The following CR1 variants were observed in gnomAD, a reference collection of about 807,000 sequenced individuals.
The protein encoded by CR1 is complement receptor type 1.
CR1 carries 116 observed loss-of-function variants against 187.3 expected under a neutral mutation model. That is an observed-to-expected ratio of 0.62 (90% CI 0.53 to 0.72). CR1 has a LOEUF of 0.72. Among genes scored for constraint, CR1 ranks in the 30% least tolerant of loss-of-function variants. The probability of loss-of-function intolerance (pLI) is 0.00; values close to 1 mark genes in which losing one functional copy is unlikely to be tolerated. For missense variants in CR1, 1,731 were observed against 2,110.7 expected (o/e 0.82, Z 3.52); for synonymous variants, 576 against 747.1 (o/e 0.77, Z 3.73).
intron 3 of CR1, among the ~76,000 whole-genome samples, chr1:207,508,970 G>A (rs1659534527): frequency 6.6e-6 from 1 of 152,060 alleles, no homozygotes; most frequent in African/African-American, 2.4e-5. Flanking sequence ...ATTTGGAGTT[G>A]GTCTCTTCCA....
chr1:207,627,571 T>G (rs1001574560), intron 45 of CR1, among the ~76,000 whole-genome samples: 1 of 152,234 alleles, frequency 6.6e-6, no homozygotes, highest in Non-Finnish European at 1.5e-5. Flanking sequence ...TGTTGGTATA[T>G]ATACTTGGGC....
Position 207,518,541 on chromosome 1 carries a change from T to C in CR1, c.488-5070T>C, listed in dbSNP as rs148978218. Among the ~76,000 whole-genome samples the C allele has an allele frequency of 1.4e-4, 22 of 152,320 alleles. No homozygotes were observed. In the East Asian group the frequency reaches 2.3e-3, roughly 16 times the overall value. On this transcript the variant is annotated intron_variant, in intron 4 of 46. Transcript: ENST00000367049. ...TTCAAAGAAGAGAAATTTACTCTCT[T>C]AACAGTTTGGAGGCCAGAAATCCAG... is the stretch of plus-strand genomic sequence containing the variant.
intron 34 of CR1, 61 bp from the exon 35 acceptor site, chr1:207,588,614 T>C (rs1661180486): frequency 3.5e-6 from 4 of 1,140,928 alleles, no homozygotes; most frequent in Non-Finnish European, 5.2e-6. Flanking sequence ...CACTCCAGTC[T>C]GAACCTTACA....
At position 207,593,092 on chromosome 1, in the gene CR1, A is replaced by AAAAAC. The variant is rs962202213; in HGVS notation, c.5810+4322_5810+4323insCAAAA. ...CTTTCTTCACAGAATTACAAAAAAAAAAAAAAAAAAACTACTTTAAACTTC... is the reference window on the plus strand; with the variant it reads ...CTTTCTTCACAGAATTACAAAAAAAAAAAACAAAAAAAAAAACTACTTTAAACTTC... On this transcript the variant is annotated intron_variant, in intron 35 of 46. Coordinates refer to ENST00000367049, the MANE Select transcript of CR1 (RefSeq NM_000651.6). Among the ~76,000 whole-genome samples the AAAAAC allele has an allele frequency of 1.3e-4, 20 of 151,320 alleles. 1 individual carries two copies. Among genetic ancestry groups the AAAAAC allele is most frequent in the African/African-American group, 4.9e-4 (20 of 41,150 alleles).
At chr1:207,504,150 G>T (rs1253001006) in intron 1 of CR1, among the ~76,000 whole-genome samples, 1 of 152,166 alleles carries the variant, frequency 6.6e-6, no homozygotes, top group African/African-American at 2.4e-5. Context: ...TGTCAGGTTT[G>T]GTACTATCTG....
intron 35 of CR1, among the ~76,000 whole-genome samples, chr1:207,595,388 T>C (rs17047502): frequency 0.066 from 9,977 of 152,132 alleles, 1,081 homozygotes; most frequent in African/African-American, 0.22. Context: ...CCTTGAAGGC[T>C]TACTAGACAA....
intron 46 of CR1, among the ~76,000 whole-genome samples, chr1:207,635,383 C>A (rs780685355): frequency 6.6e-6 from 1 of 151,980 alleles, no homozygotes; most frequent in Non-Finnish European, 1.5e-5. Context: ...ACAAAGGTCT[C>A]GGCATCATAA....
intron 1 of CR1, 124 bp downstream of exon 1, chr1:207,496,512 G>C: frequency 1.0e-6 from 1 of 990,132 alleles, no homozygotes; most frequent in South Asian, 1.9e-5. Flanking sequence ...CAGCGCGATG[G>C]GTGGGCTGAG....
intron 5 of CR1, among the ~76,000 whole-genome samples, chr1:207,525,819 C>T (rs1660150363): frequency 1.3e-5 from 2 of 151,910 alleles, no homozygotes; most frequent in South Asian, 4.1e-4. Context: ...GGGTGATGAG[C>T]CCTGAAAATG....
At chr1:207,612,165 G>A in intron 39 of CR1, 124 bp downstream of exon 39, 5 of 1,045,750 alleles carry the variant, frequency 4.8e-6, no homozygotes, top group Non-Finnish European at 7.1e-6. Context: ...ATTAATTTAT[G>A]GAAGGGTAGT....
At chr1:207,588,129 C>T (rs1010375883) in intron 34 of CR1, among the ~76,000 whole-genome samples, 32 of 152,038 alleles carry the variant, frequency 2.1e-4, no homozygotes, top group African/African-American at 7.2e-4. Flanking sequence ...CCATAAATGA[C>T]TTGTTTTGTT....
At chr1:207,632,293 T>G (rs1039667337) in intron 46 of CR1, among the ~76,000 whole-genome samples, 1 of 152,232 alleles carries the variant, frequency 6.6e-6, no homozygotes, top group Non-Finnish European at 1.5e-5. Context: ...AATGGGCATA[T>G]GTATACACTG....
rs544211846 is a variant in CR1, at chr1:207,505,533, GA to G, written c.122-369del. On this transcript the variant is annotated intron_variant, in intron 1 of 46. Coordinates refer to ENST00000367049, the MANE Select transcript of CR1 (RefSeq NM_000651.6). ...CTATGAAGTATATTGGAGAGAAAGA[GA>G]AGGTAGAATGGGAATTTCAACAGGG... Among the ~76,000 whole-genome samples the G allele has an allele frequency of 1.6e-3, 242 of 152,180 alleles. 2 individuals carry two copies. The highest frequency in any genetic ancestry group is 5.8e-3 in the African/African-American group (239 of 41,524).
At chr1:207,613,236 C>T (rs74994280) in intron 39 of CR1, among the ~76,000 whole-genome samples, 1,897 of 152,106 alleles carry the variant, frequency 0.012, 28 homozygotes, top group African/African-American at 0.044. Context: ...GAGGGTGGAC[C>T]CCAGATGAAG....
At chr1:207,511,798 T>C (rs1052377960) in intron 4 of CR1, 144 bp downstream of exon 4, 18 of 680,920 alleles carry the variant, frequency 2.6e-5, no homozygotes, top group Middle Eastern at 2.8e-4. Flanking sequence ...AATATTCCTA[T>C]GGGGTTCCTG....
intron 46 of CR1, among the ~76,000 whole-genome samples, chr1:207,634,703 C>A (rs922302425): frequency 6.6e-5 from 10 of 152,122 alleles, no homozygotes; most frequent in Non-Finnish European, 1.5e-4. Flanking sequence ...CGCTTCAGCA[C>A]GGCTGGGGAA....
At chr1:207,511,431 G>A (rs1659613145) in intron 3 of CR1, 138 bp from the exon 4 acceptor site, 1 of 648,836 alleles carries the variant, frequency 1.5e-6, no homozygotes, top group African/African-American at 1.8e-5. Context: ...TGAAACTTGG[G>A]AAAGTGATAG....
intron 45 of CR1, among the ~76,000 whole-genome samples, chr1:207,625,154 A>T (rs1391947379): frequency 6.6e-6 from 1 of 152,228 alleles, no homozygotes; most frequent in Non-Finnish European, 1.5e-5. Flanking sequence ...ATTTCATAAA[A>T]TTATTTCTTT....
At chr1:207,581,297 C>CATGTACATGTGT (rs1409126253) in intron 31 of CR1, among the ~76,000 whole-genome samples, 7 of 149,816 alleles carry the variant, frequency 4.7e-5, no homozygotes, top group Non-Finnish European at 8.9e-5. Context: ...TATACGTATA[C>CATGTACATGTGT]ATATGGACAC....
Sources: gnomAD v4.1 joint callset for allele counts (sites outside exome capture counted in the v4.1 genomes callset) on GRCh38, gnomAD v4.1.1 for gene constraint, MANE v1.5 for transcripts, NCBI Gene and HGNC (gene_info 2026-07-23, HGNC 2026-07-21) for gene names.